PSG9: variants seen among roughly 807,000 people sequenced by gnomAD.
The protein encoded by PSG9 is pregnancy-specific beta-1-glycoprotein 9.
Under a neutral mutation model 41.9 loss-of-function variants are expected in PSG9, and 49 were observed. The ratio of observed to expected loss-of-function variants is 1.17; its 90% CI spans 0.93 to 1.48. PSG9 has a LOEUF of 1.48. Ranked by LOEUF, PSG9 falls within the 40% of genes most tolerant of loss-of-function variation. The pLI, the probability that PSG9 is intolerant of heterozygous loss-of-function variation, is 0.00. For missense variants in PSG9, 641 were observed against 520.3 expected, an observed-to-expected ratio of 1.23 and a Z score of -2.26; for synonymous variants, 263 against 196.8, an observed-to-expected ratio of 1.34 and a Z score of -2.82.
chr19:43,268,222 T>C (rs894131797), intron 1 of PSG9, 73 bp from the exon 2 acceptor site: 2 of 1,487,448 alleles, frequency 1.3e-6, no homozygotes, highest in African/African-American at 1.4e-5. Flanking sequence ...CCCTGGGTCC[T>C]GAGAAGGTCT....
At chr19:43,260,720 G>C (rs1398252543) in intron 3 of PSG9, 2 of 151,954 alleles carry the variant, frequency 1.3e-5, no homozygotes, top group Admixed American at 1.3e-4. Context: ...TTAGGACAGA[G>C]TTTTCTAATT....
intron 2 of PSG9, among the ~76,000 whole-genome samples, chr19:43,265,886 T>A (rs866324241): frequency 4.6e-5 from 7 of 152,136 alleles, no homozygotes; most frequent in Admixed American, 1.3e-4. Context: ...TGGCTGGAGA[T>A]GAAGCCAGGC....
At chr19:43,267,758 C>T (rs1454803564) in intron 2 of PSG9, 26 bp downstream of exon 2, 6 of 1,612,510 alleles carry the variant, frequency 3.7e-6, no homozygotes, top group South Asian at 1.1e-5. Flanking sequence ...CCCCCCAACA[C>T]CCAGGGATCA....
At chr19:43,261,447 T>A (rs932776200) in intron 3 of PSG9, among the ~76,000 whole-genome samples, 1 of 152,024 alleles carries the variant, frequency 6.6e-6, no homozygotes, top group Admixed American at 6.6e-5. Context: ...AAATGGTGGG[T>A]GCATCCAGGC....
At chr19:43,261,485 A>C (rs1035985470) in intron 3 of PSG9, among the ~76,000 whole-genome samples, 2 of 152,132 alleles carry the variant, frequency 1.3e-5, no homozygotes, top group African/African-American at 4.8e-5. Context: ...ATAATGTCAC[A>C]AGCGATATTG....
chr19:43,268,428 G>T (rs924492572), intron 1 of PSG9, among the ~76,000 whole-genome samples: 5 of 152,098 alleles, frequency 3.3e-5, no homozygotes, highest in Middle Eastern at 6.8e-3. Context: ...TTCCCCAGGG[G>T]TCCACACGGC....
chr19:43,257,321 G>GT (rs1968476382), intron 5 of PSG9: 20 of 905,096 alleles, frequency 2.2e-5, no homozygotes, highest in Non-Finnish European at 2.6e-5. Context: ...ATAGTTAATG[G>GT]TAAGTCTTAT....
At chr19:43,261,288 T>C (rs1968698376) in intron 3 of PSG9, among the ~76,000 whole-genome samples, 2 of 151,920 alleles carry the variant, frequency 1.3e-5, no homozygotes, top group South Asian at 2.1e-4. Flanking sequence ...ACCCTCTATA[T>C]GTTTTAGTGA....
chr19:43,259,472 A>C, intron 3 of PSG9: 1 of 328,958 alleles, frequency 3.0e-6, no homozygotes, highest in Non-Finnish European at 5.2e-6. Context: ...TGGGTTCCTT[A>C]CCTGGAATGT....
intron 3 of PSG9, 90 bp from the exon 4 acceptor site, chr19:43,259,225 C>T: frequency 3.3e-6 from 5 of 1,523,214 alleles, no homozygotes; most frequent in Non-Finnish European, 4.4e-6. Context: ...TCTCCCACCT[C>T]TCAGCCCACC....
In PSG9 at chr19:43,257,941, T is replaced by A. The variant is rs750597418; in HGVS notation, c.1243+261A>T. The A allele has an allele frequency of 1.1e-5, 16 of 1,427,456 alleles. 1 individual carries two copies. In the South Asian group the frequency reaches 1.9e-4, roughly 17 times the overall value. 88.4% of individuals were successfully genotyped at this position (1,427,456 alleles called of 1,614,324 possible). A position where few individuals can be genotyped will look rare whatever the true frequency, so the allele number is the denominator to read the frequency against. ...CCTTCTTGTCCCTCTCTGAAGCCTC[T>A]TCTACCACATAGGGCTCAGGGCTGA... is the stretch of plus-strand genomic sequence containing the variant. On this transcript the variant is annotated intron_variant, in intron 5 of 5. Coordinates refer to ENST00000270077, the MANE Select transcript of PSG9 (RefSeq NM_002784.5).
At chr19:43,264,397 A>G (rs1186485487) in intron 2 of PSG9, among the ~76,000 whole-genome samples, 1 of 151,816 alleles carries the variant, frequency 6.6e-6, no homozygotes, top group African/African-American at 2.4e-5. Context: ...CAAGCTAGGG[A>G]TTCTTTCCTC....
chr19:43,254,904 C>A (rs1248908804), intron 5 of PSG9, among the ~76,000 whole-genome samples: 1 of 139,100 alleles, frequency 7.2e-6, no homozygotes, highest in Admixed American at 7.2e-5. Context: ...CATAGGTAAC[C>A]TGGGGAGATG....
intron 5 of PSG9, among the ~76,000 whole-genome samples, chr19:43,254,017 C>T (rs1291268532): frequency 6.9e-6 from 1 of 145,282 alleles, no homozygotes; most frequent in South Asian, 2.2e-4. Context: ...ACTAACATAC[C>T]AGACTTGATT....
chr19:43,267,922 T>A lies in PSG9; in HGVS notation c.292A>T (p.Arg98Ter). The stretch of plus-strand genomic sequence containing the variant: ...GATGCGTTGGAATATACTGTTTCTC[T>A]TCCACTGTATGCAGGCCCATATATA... ...IIIYGPAYSG[R>*]ETVYSNASLL... The change falls in exon 2 of 6, where the codon AGA becomes TGA. Residue 98 changes from arginine (R) to a stop codon, truncating the protein, a stop_gained. Transcript: ENST00000270077. LOFTEE classifies it high-confidence loss of function. The A allele has an allele frequency of 6.2e-7, 1 of 1,613,818 alleles. No homozygotes were observed.
chr19:43,255,427 G>A (rs1331895766), intron 5 of PSG9, among the ~76,000 whole-genome samples: 2 of 145,970 alleles, frequency 1.4e-5, no homozygotes, highest in African/African-American at 2.6e-5. Context: ...AAGACTGAAA[G>A]CTTTCCCTGT....
chr19:43,256,287 A>G (rs1371089110), intron 5 of PSG9, among the ~76,000 whole-genome samples: 2 of 147,078 alleles, frequency 1.4e-5, no homozygotes, highest in Non-Finnish European at 3.0e-5. Context: ...GGATTTCCCA[A>G]TGATTTCTTG....
rs781259698 is a variant in PSG9, at chr19:43,267,851, G to T, written c.363C>A (p.Thr121=). ...CATCACCTCGCTTTATGATGTGTAA[G>T]GTGTAGGTTCCTGCATCCTTCCGGG... is the stretch of plus-strand genomic sequence containing the variant. The part of the protein sequence containing the change: ...NVTRKDAGTY[T]LHIIKRGDET... The change falls in exon 2 of 6, where the codon ACC becomes ACA. Residue 121 remains threonine, a synonymous_variant. Coordinates refer to ENST00000270077, the MANE Select transcript of PSG9 (RefSeq NM_002784.5). The T allele has an allele frequency of 2.5e-6, 4 of 1,613,648 alleles. No homozygotes were observed. Among genetic ancestry groups the T allele is most frequent in the Non-Finnish European group, 3.4e-6 (4 of 1,179,760 alleles).
At chr19:43,257,141 T>G (rs1968470576) in intron 5 of PSG9, 1 of 149,324 alleles carries the variant, frequency 6.7e-6, no homozygotes, top group South Asian at 2.1e-4. Context: ...AAAAGATAGT[T>G]AGAATAGCCA....
Sources: allele counts gnomAD v4.1 joint callset (sites outside exome capture counted in the v4.1 genomes callset), GRCh38; gene constraint gnomAD v4.1.1; transcripts MANE v1.5; gene names NCBI Gene and HGNC (gene_info 2026-07-23, HGNC 2026-07-21).